LARGE1: variants seen among roughly 807,000 people sequenced by gnomAD.
LARGE1 encodes the protein xylosyl- and glucuronyltransferase LARGE1.
LARGE1 carries 43 observed loss-of-function variants against 87.6 expected under a neutral mutation model. That is an observed-to-expected ratio of 0.49 (90% confidence interval 0.38 to 0.63). The LOEUF is 0.63. Ranked by LOEUF, LARGE1 falls within the 30% of genes least tolerant of loss-of-function variation. The probability of loss-of-function intolerance (pLI) is 0.00; values close to 1 mark genes in which losing one functional copy is unlikely to be tolerated. For missense variants in LARGE1, 802 were observed against 1,000.2 expected (o/e 0.80, Z 2.67); for synonymous variants, 434 against 394.6 (o/e 1.10, Z -1.18).
intron 6 of LARGE1, among the ~76,000 whole-genome samples, chr22:33,516,187 C>T (rs2071295333): frequency 6.6e-6 from 1 of 152,016 alleles, no homozygotes; most frequent in Admixed American, 6.6e-5. Context: ...AATGAAGGAG[C>T]GAGGGCTAGG....
intron 3 of LARGE1, among the ~76,000 whole-genome samples, chr22:33,641,262 A>G (rs2080422693): frequency 6.6e-6 from 1 of 152,152 alleles, no homozygotes; most frequent in South Asian, 2.1e-4. Flanking sequence ...CAGGGTATGG[A>G]GTGGACCTCC....
At chr22:33,866,813 C>CT (rs898210280) in intron 1 of LARGE1, among the ~76,000 whole-genome samples, 17 of 151,170 alleles carry the variant, frequency 1.1e-4, no homozygotes, top group African/African-American at 3.4e-4. Flanking sequence ...AGTCCATTCA[C>CT]TTTTTTTTTC....
chr22:33,740,552 T>A (rs2083841470), intron 2 of LARGE1, among the ~76,000 whole-genome samples: 1 of 152,220 alleles, frequency 6.6e-6, no homozygotes, highest in Non-Finnish European at 1.5e-5. Context: ...AATCTTAGTG[T>A]CTTTCTCGGA....
At chr22:33,761,326 TC>T (rs748152433) in intron 2 of LARGE1, 44 bp downstream of exon 2, 31 of 1,411,322 alleles carry the variant, frequency 2.2e-5, no homozygotes, top group African/African-American at 2.8e-5. Flanking sequence ...CAGCTAATGT[TC>T]CCTTTCTTCC....
chr22:33,642,276 C>T (rs1306716118), intron 3 of LARGE1, among the ~76,000 whole-genome samples: 3 of 152,154 alleles, frequency 2.0e-5, no homozygotes, highest in African/African-American at 7.2e-5. Context: ...CATATCCAGC[C>T]AAACTGTGTT....
At chr22:33,315,972 A>G in intron 11 of LARGE1, 113 bp downstream of exon 11, 1 of 1,253,208 alleles carries the variant, frequency 8.0e-7, no homozygotes, top group Non-Finnish European at 1.1e-6. Context: ...TTCCTGCTCC[A>G]TCCTCCAATT....
rs532344205 is a variant in LARGE1, at chr22:33,174,826, G to A, written c.1731-7994C>T. On this transcript the variant is annotated intron_variant, in intron 11 of 11. Coordinates refer to the LARGE1 transcript ENST00000608642. Reference sequence around the variant, plus strand: ...GAATCCCTGAATAGACTAATAGCAAGTTCTGAAATTGGGGCCGTAATGAAT... The same window carrying A: ...GAATCCCTGAATAGACTAATAGCAAATTCTGAAATTGGGGCCGTAATGAAT... 3.7e-4 allele frequency among the ~76,000 whole-genome samples: 56 copies of A among 152,238 alleles called. 2 individuals carry two copies. In the East Asian group the frequency reaches 0.01, roughly 28 times the overall value.
intron 1 of LARGE1, among the ~76,000 whole-genome samples, chr22:33,840,653 T>C (rs568516486): frequency 6.6e-6 from 1 of 151,342 alleles, no homozygotes; most frequent in African/African-American, 2.4e-5. Context: ...CGATTTAGGA[T>C]AATTCGACTT....
At chr22:33,458,391 AC>A (rs2068230501) in intron 6 of LARGE1, among the ~76,000 whole-genome samples, 4 of 151,840 alleles carry the variant, frequency 2.6e-5, no homozygotes. Context: ...GGCGTGAGCC[AC>A]CGTGCCCGGC....
chr22:33,829,059 A>AGTG (rs1024501101), intron 1 of LARGE1, among the ~76,000 whole-genome samples: 2 of 124,214 alleles, frequency 1.6e-5, no homozygotes, highest in East Asian at 5.2e-4. Flanking sequence ...CCCAGGCTGG[A>AGTG]GTGCAGTGGC....
chr22:33,579,636 C>A (rs542243014), intron 5 of LARGE1, among the ~76,000 whole-genome samples: 2 of 152,138 alleles, frequency 1.3e-5, no homozygotes, highest in East Asian at 1.9e-4. Flanking sequence ...GGGCCTACCC[C>A]AGAAAAACTA....
chr22:33,143,333 C>T, the LARGE1 span, among the ~76,000 whole-genome samples: 1 of 151,964 alleles, frequency 6.6e-6, no homozygotes, highest in African/African-American at 2.4e-5. Flanking sequence ...AAAAATAACC[C>T]CAACTTCAGC....
chr22:33,520,528 G>A (rs2071530182), intron 6 of LARGE1, among the ~76,000 whole-genome samples: 1 of 152,154 alleles, frequency 6.6e-6, no homozygotes, highest in Non-Finnish European at 1.5e-5. Flanking sequence ...TGCTGAGCTG[G>A]GCCATCTCTA....
chr22:33,845,054 T>C (rs1214486124), intron 1 of LARGE1, among the ~76,000 whole-genome samples: 4 of 152,034 alleles, frequency 2.6e-5, no homozygotes, highest in Non-Finnish European at 4.4e-5. Context: ...AGCCCCCTTT[T>C]TGTCCCCAAT....
chr22:33,535,141 C>A (rs75456766), intron 6 of LARGE1, among the ~76,000 whole-genome samples: 7,327 of 152,298 alleles, frequency 0.048, 211 homozygotes, highest in South Asian at 0.084. Flanking sequence ...TCAGGGCGTA[C>A]GCCTTCTGTT....
chr22:33,527,867 G>T (rs958354251), intron 6 of LARGE1, among the ~76,000 whole-genome samples: 1 of 152,178 alleles, frequency 6.6e-6, no homozygotes, highest in African/African-American at 2.4e-5. Context: ...GACTCAGCTG[G>T]CTGTAGGCAG....
intron 6 of LARGE1, among the ~76,000 whole-genome samples, chr22:33,470,516 C>T (rs143864479): frequency 6.6e-4 from 100 of 152,320 alleles, no homozygotes; most frequent in African/African-American, 2.0e-3. Flanking sequence ...TCCTTTTGCT[C>T]CACGTTCTCC....
In LARGE1 at chr22:33,829,006, C is replaced by CTTTTTT. The variant is rs776583343; in HGVS notation, c.-82-67454_-82-67449dup. The stretch of plus-strand genomic sequence containing the variant: ...GAGATGCTTTGTGAAGTCTCTTTTT[C>CTTTTTT]TTTTTTTTTTTTTTTTTTTTTTGAG... On this transcript the variant is annotated intron_variant, in intron 1 of 14. Transcript: ENST00000397394. 4.8e-3 allele frequency among the ~76,000 whole-genome samples: 451 copies of CTTTTTT among 94,574 alleles called. 1 individual carries two copies. Among genetic ancestry groups the CTTTTTT allele is most frequent in the Non-Finnish European group, 5.8e-3 (285 of 49,076 alleles). 62.0% of individuals were successfully genotyped at this position (94,574 alleles called of 152,430 possible). A position where few individuals can be genotyped will look rare whatever the true frequency, so the allele number is the denominator to read the frequency against.
intron 2 of LARGE1, among the ~76,000 whole-genome samples, chr22:33,735,392 T>G (rs1213363051): frequency 6.6e-6 from 1 of 152,236 alleles, no homozygotes; most frequent in Non-Finnish European, 1.5e-5. Context: ...CCTGCATACA[T>G]GAAATGCACA....
Sources: gnomAD v4.1 joint callset for allele counts (sites outside exome capture counted in the v4.1 genomes callset) on GRCh38, gnomAD v4.1.1 for gene constraint, MANE v1.5 for transcripts, NCBI Gene and HGNC (gene_info 2026-07-23, HGNC 2026-07-21) for gene names.